Variants in FHIT observed in about 807,000 individuals in gnomAD.
FHIT encodes bis(5'-adenosyl)-triphosphatase.
Under a neutral mutation model 17.9 loss-of-function variants are expected in FHIT, and 19 were observed. That is an observed-to-expected ratio of 1.06 (90% CI 0.74 to 1.56). The LOEUF is 1.56. Among genes scored for constraint, FHIT ranks in the 40% most tolerant of loss-of-function variants. FHIT has a pLI of 0.00. For synonymous variants in FHIT, 81 were observed against 69.7 expected (o/e 1.16, Z -0.81); for missense variants, 248 against 189.2 (o/e 1.31, Z -1.82).
intron 4 of FHIT, among the ~76,000 whole-genome samples, chr3:60,676,090 A>G (rs529663244): frequency 2.0e-5 from 3 of 152,344 alleles, no homozygotes; most frequent in African/African-American, 4.8e-5. Context: ...AGTTAAATAC[A>G]TTTAAGAGAA....
intron 4 of FHIT, among the ~76,000 whole-genome samples, chr3:60,673,148 T>A (rs62251500): frequency 0.06 from 9,087 of 152,130 alleles, 339 homozygotes; most frequent in African/African-American, 0.1. Context: ...GGTTTAAAAA[T>A]ATATATATTA....
At chr3:60,204,454 TTTTG>T (rs759496652) in intron 5 of FHIT, among the ~76,000 whole-genome samples, 2 of 77,406 alleles carry the variant, frequency 2.6e-5, no homozygotes, top group Non-Finnish European at 2.9e-5. Flanking sequence ...GTTTTTTTTT[TTTTG>T]TTTTGTTTTT....
intron 9 of FHIT, 30 bp downstream of exon 9, chr3:59,752,191 G>T: frequency 6.6e-7 from 1 of 1,517,936 alleles, no homozygotes; most frequent in Non-Finnish European, 9.1e-7. Context: ...CCACGGGAGG[G>T]TCTGGGTAAT....
Position 60,570,374 on chromosome 3 carries a change from G to A in FHIT, c.-17-33395C>T, listed in dbSNP as rs552004020. 2.2e-4 allele frequency among the ~76,000 whole-genome samples: 34 copies of A among 152,132 alleles called. No individual in the cohort carries two copies. In the South Asian group the frequency reaches 4.6e-3, roughly 20 times the overall value. ...GACTAAAATAGCAATTTTTTTACTC[G>A]TTGGTAATACATCTCCAGGCACAGC... On this transcript the variant is annotated intron_variant, in intron 4 of 9. Transcript: ENST00000492590.
At chr3:59,916,194 T>A (rs1170641578) in intron 8 of FHIT, among the ~76,000 whole-genome samples, 1 of 152,170 alleles carries the variant, frequency 6.6e-6, no homozygotes, top group East Asian at 1.9e-4. Flanking sequence ...AAGAGCTGAC[T>A]TGCTGAGTTT....
chr3:61,251,219 G>A (rs926441435), intron 1 of FHIT, 82 bp downstream of exon 1: 4 of 152,396 alleles, frequency 2.6e-5, no homozygotes, highest in African/African-American at 9.6e-5. Context: ...CTGGGCTCCG[G>A]GGTGATGACC....
intron 3 of FHIT, among the ~76,000 whole-genome samples, chr3:60,955,587 C>CGTATATATACATATATATAT (rs1553778423): frequency 4.4e-5 from 1 of 22,912 alleles, no homozygotes; most frequent in African/African-American, 2.5e-4. Flanking sequence ...TCTGCTTAGG[C>CGTATATATACATATATATAT]ATATATATAC....
chr3:60,001,433 G>A (rs942322867), intron 7 of FHIT, among the ~76,000 whole-genome samples: 2 of 152,144 alleles, frequency 1.3e-5, no homozygotes, highest in African/African-American at 4.8e-5. Context: ...CACATAGTAG[G>A]TGATAGAAGA....
At chr3:60,460,501 T>C (rs574479379) in intron 5 of FHIT, among the ~76,000 whole-genome samples, 4 of 152,290 alleles carry the variant, frequency 2.6e-5, no homozygotes, top group African/African-American at 9.6e-5. Flanking sequence ...AGGATTTATA[T>C]TGCATAATTC....
chr3:60,341,956 T>A (rs951138454), intron 5 of FHIT, among the ~76,000 whole-genome samples: 1 of 151,996 alleles, frequency 6.6e-6, no homozygotes, highest in Admixed American at 6.6e-5. Flanking sequence ...CGTGGACACA[T>A]TGAAGGGTAA....
intron 5 of FHIT, among the ~76,000 whole-genome samples, chr3:60,529,082 T>C (rs1242490173): frequency 3.9e-5 from 6 of 152,220 alleles, no homozygotes; most frequent in Non-Finnish European, 8.8e-5. Context: ...TGCAAACTAC[T>C]TCAGATATCT....
chr3:60,929,155 A>T (rs2107356003), intron 3 of FHIT, among the ~76,000 whole-genome samples: 1 of 152,250 alleles, frequency 6.6e-6, no homozygotes, highest in Middle Eastern at 3.4e-3. Flanking sequence ...CCTTTGACAA[A>T]ATTCAACCCT....
chr3:60,963,395 G>A lies in FHIT; in HGVS notation c.-111+78652C>T, dbSNP rs541118152. On this transcript the variant is annotated intron_variant, in intron 3 of 9. Coordinates refer to ENST00000492590, the MANE Select transcript of FHIT (RefSeq NM_002012.4). ...CAAAAAACCAGCTCCTGGATTCACT[G>A]ATTTTTTGAAGGGTTTTTTGTGTCT... 1.7e-3 allele frequency among the ~76,000 whole-genome samples: 256 copies of A among 152,248 alleles called. 1 individual carries two copies. Among genetic ancestry groups the A allele is most frequent in the African/African-American group, 5.9e-3 (244 of 41,558 alleles).
rs1575716586 is a variant in FHIT, at chr3:59,930,502, G to T, written c.280-8088C>A. Among the ~76,000 whole-genome samples the T allele has an allele frequency of 2.0e-5, 3 of 152,132 alleles. No homozygotes were observed. In the East Asian group the frequency reaches 5.8e-4, roughly 29 times the overall value. ...AAATCCCAAAGCCCTAGAGCTTCCA[G>T]AACAAGCCTGGTATGGCCAAGGAGC... is the stretch of plus-strand genomic sequence containing the variant. On this transcript the variant is annotated intron_variant, in intron 7 of 9. Transcript: ENST00000492590.
intron 5 of FHIT, among the ~76,000 whole-genome samples, chr3:60,174,790 C>T (rs182329526): frequency 2.6e-5 from 4 of 152,048 alleles, no homozygotes; most frequent in Admixed American, 6.5e-5. Context: ...TAAAATAAAA[C>T]GCCATGCCCA....
chr3:60,548,938 C>G (rs1465980165), intron 4 of FHIT, among the ~76,000 whole-genome samples: 1 of 152,200 alleles, frequency 6.6e-6, no homozygotes, highest in Non-Finnish European at 1.5e-5. Context: ...ATTGTATCTT[C>G]TTTCCAATTC....
intron 4 of FHIT, among the ~76,000 whole-genome samples, chr3:60,589,024 G>C (rs374230205): frequency 6.6e-6 from 1 of 152,012 alleles, no homozygotes; most frequent in African/African-American, 2.4e-5. Flanking sequence ...AAGACTCCTC[G>C]TTGGAGCCTA....
intron 4 of FHIT, among the ~76,000 whole-genome samples, chr3:60,756,731 C>G (rs1211128936): frequency 6.6e-6 from 1 of 152,188 alleles, no homozygotes; most frequent in African/African-American, 2.4e-5. Context: ...GCCGCATTAT[C>G]CTTGCTTTTA....
chr3:60,561,895 G>GA lies in FHIT; in HGVS notation c.-17-24917dup, dbSNP rs200176867. Reference sequence around the variant, plus strand: ...TGGGAATCTGGAAAATGAAAGAAAAGAAAAAAAAAGAAAAGAGAGAGAAAG... The same window carrying GA: ...TGGGAATCTGGAAAATGAAAGAAAAGAAAAAAAAAAGAAAAGAGAGAGAAAG... On this transcript the variant is annotated intron_variant, in intron 4 of 9. Coordinates refer to ENST00000492590, the MANE Select transcript of FHIT (RefSeq NM_002012.4). Among the ~76,000 whole-genome samples, 71 of 134,458 alleles carry GA rather than the reference G, an allele frequency of 5.3e-4. 1 individual carries two copies. The East Asian group carries it at 0.013, about 25-fold the overall frequency. The allele number at this position is 134,458 out of a possible 152,430, so 88.2% of individuals were successfully genotyped here. A position where few individuals can be genotyped will look rare whatever the true frequency, so the allele number is the denominator to read the frequency against.
Sources: gnomAD v4.1 joint callset for allele counts (sites outside exome capture counted in the v4.1 genomes callset) on GRCh38, gnomAD v4.1.1 for gene constraint, MANE v1.5 for transcripts, NCBI Gene and HGNC (gene_info 2026-07-23, HGNC 2026-07-21) for gene names.